The following MACROD2 variants were observed in gnomAD, a reference collection of about 807,000 sequenced individuals.
MACROD2 encodes the protein ADP-ribose glycohydrolase MACROD2.
A neutral mutation model predicts 70.4 loss-of-function variants in MACROD2; 36 were observed. The observed-to-expected ratio is 0.51, with a 90% CI of 0.39 to 0.68. The LOEUF (loss-of-function observed/expected upper bound fraction) is 0.68, where lower values mean the gene tolerates loss of function less well. Among genes scored for constraint, MACROD2 ranks in the 30% least tolerant of loss-of-function variants. The pLI is 0.00. For synonymous variants in MACROD2, 172 were observed against 178.8 expected, an observed-to-expected ratio of 0.96 and a Z score of 0.30; for missense variants, 496 against 538.4, an observed-to-expected ratio of 0.92 and a Z score of 0.78.
At chr20:14,491,374 T>C (rs1053288843) in intron 3 of MACROD2, among the ~76,000 whole-genome samples, 1 of 152,226 alleles carries the variant, frequency 6.6e-6, no homozygotes, top group Non-Finnish European at 1.5e-5. Flanking sequence ...CGGAACGTTT[T>C]TGAATATGAT....
chr20:14,995,676 GTTAAA>G (rs148830188), intron 5 of MACROD2, among the ~76,000 whole-genome samples: 3,235 of 152,014 alleles, frequency 0.021, 67 homozygotes, highest in Admixed American at 0.047. Flanking sequence ...TTGACAAAAC[GTTAAA>G]TTAAAAATAC....
chr20:15,408,833 C>T (rs1000847719), intron 6 of MACROD2, among the ~76,000 whole-genome samples: 1 of 152,174 alleles, frequency 6.6e-6, no homozygotes, highest in Non-Finnish European at 1.5e-5. Flanking sequence ...TGGAGGGAAT[C>T]TTTTAAGAGG....
chr20:14,923,318 T>C (rs2074186634), intron 5 of MACROD2, among the ~76,000 whole-genome samples: 1 of 152,184 alleles, frequency 6.6e-6, no homozygotes, highest in Non-Finnish European at 1.5e-5. Context: ...TACAAATTTG[T>C]ATCTCCAGCC....
intron 6 of MACROD2, among the ~76,000 whole-genome samples, chr20:15,286,115 A>C (rs2077488999): frequency 6.6e-6 from 1 of 152,178 alleles, no homozygotes; most frequent in African/African-American, 2.4e-5. Flanking sequence ...GGGTGGGGAA[A>C]CAGATGGAGG....
chr20:15,372,226 G>T (rs538504833), intron 6 of MACROD2, among the ~76,000 whole-genome samples: 14 of 152,246 alleles, frequency 9.2e-5, no homozygotes, highest in Admixed American at 1.3e-4. Context: ...GACTAGACTG[G>T]AATGTAACTA....
chr20:16,043,373 G>A (rs2067333692), intron 16 of MACROD2, among the ~76,000 whole-genome samples: 1 of 152,064 alleles, frequency 6.6e-6, no homozygotes, highest in Non-Finnish European at 1.5e-5. Flanking sequence ...TGTTTTGGTT[G>A]CCTAGGCTAG....
At position 14,268,107 on chromosome 20, in the gene MACROD2, A is replaced by T. The variant is rs145621547; in HGVS notation, c.271+182379A>T. Among the ~76,000 whole-genome samples, 647 of 152,218 alleles carry T rather than the reference A, an allele frequency of 4.3e-3. 5 individuals carry two copies. Among genetic ancestry groups the T allele is most frequent in the African/African-American group, 0.014 (587 of 41,570 alleles). On this transcript the variant is annotated intron_variant, in intron 3 of 17. Transcript: ENST00000684519. The stretch of plus-strand genomic sequence containing the variant: ...AACTATCATGTGAACTCAAGATTGC[A>T]TAAGATTTGTCCATACTTGTTTCAC...
chr20:15,928,109 A>G (rs1480225526), intron 10 of MACROD2, among the ~76,000 whole-genome samples: 1 of 152,166 alleles, frequency 6.6e-6, no homozygotes, highest in Non-Finnish European at 1.5e-5. Flanking sequence ...TTTGATCTGG[A>G]TGGTTGTATT....
chr20:14,950,000 T>A (rs1194809531), intron 5 of MACROD2, among the ~76,000 whole-genome samples: 3 of 152,206 alleles, frequency 2.0e-5, no homozygotes, highest in African/African-American at 7.2e-5. Context: ...ATACAATATT[T>A]TTTTTAGACT....
intron 3 of MACROD2, among the ~76,000 whole-genome samples, chr20:14,134,891 A>G (rs1340628513): frequency 7.9e-5 from 12 of 152,000 alleles, no homozygotes; most frequent in Admixed American, 7.9e-4. Context: ...GAGAGAAATC[A>G]CTTTATAACT....
intron 8 of MACROD2, among the ~76,000 whole-genome samples, chr20:15,598,468 C>T (rs527745390): frequency 2.0e-5 from 3 of 152,266 alleles, no homozygotes; most frequent in African/African-American, 4.8e-5. Context: ...AGATGCCCGA[C>T]TGAGGTTATC....
chr20:14,348,278 A>AAAAAAAAAAT (rs755694830), intron 3 of MACROD2, among the ~76,000 whole-genome samples: 10 of 143,990 alleles, frequency 6.9e-5, no homozygotes, highest in Admixed American at 1.4e-4. Flanking sequence ...CAAAAAAAAA[A>AAAAAAAAAAT]AAATAAATAA....
At chr20:14,667,808 G>A (rs1179177380) in intron 4 of MACROD2, among the ~76,000 whole-genome samples, 2 of 152,094 alleles carry the variant, frequency 1.3e-5, no homozygotes, top group Non-Finnish European at 2.9e-5. Context: ...TATAGCCACT[G>A]CCACTCATTC....
At chr20:14,925,672 T>C (rs1329950285) in intron 5 of MACROD2, among the ~76,000 whole-genome samples, 2 of 152,194 alleles carry the variant, frequency 1.3e-5, no homozygotes, top group African/African-American at 4.8e-5. Flanking sequence ...TATTTGTGAT[T>C]TGTATAGCGT....
chr20:15,667,890 AT>A (rs1229276695), intron 8 of MACROD2, among the ~76,000 whole-genome samples: 1 of 152,112 alleles, frequency 6.6e-6, no homozygotes, highest in East Asian at 1.9e-4. Flanking sequence ...TAAGTCTTCT[AT>A]TTCTTGTAAA....
intron 8 of MACROD2, among the ~76,000 whole-genome samples, chr20:15,785,130 T>C (rs1036876652): frequency 4.1e-4 from 57 of 137,660 alleles, no homozygotes; most frequent in Non-Finnish European, 5.5e-4. Context: ...CCAGCCTGGG[T>C]GACAGAGCGA....
chr20:15,773,090 C>A (rs1395672512), intron 8 of MACROD2, among the ~76,000 whole-genome samples: 1 of 152,056 alleles, frequency 6.6e-6, no homozygotes, highest in East Asian at 1.9e-4. Context: ...AGTAAAAGCC[C>A]TACCAGATAA....
intron 3 of MACROD2, among the ~76,000 whole-genome samples, chr20:14,312,132 C>T (rs1239944297): frequency 6.6e-6 from 1 of 152,120 alleles, no homozygotes; most frequent in African/African-American, 2.4e-5. Context: ...ACAGCTTCAA[C>T]TGACTCAGGG....
At chr20:14,950,848 A>G (rs353147) in intron 5 of MACROD2, among the ~76,000 whole-genome samples, 47,465 of 151,948 alleles carry the variant, frequency 0.31, 8,086 homozygotes, top group African/African-American at 0.44. Context: ...TGCTGTGACA[A>G]TCTTCAAACT....
Sources: allele counts gnomAD v4.1 joint callset (sites outside exome capture counted in the v4.1 genomes callset), GRCh38; gene constraint gnomAD v4.1.1; transcripts MANE v1.5; gene names NCBI Gene and HGNC (gene_info 2026-07-23, HGNC 2026-07-21).